Variants in ARFGEF1 observed in about 807,000 individuals in gnomAD.
The protein encoded by ARFGEF1 is ARF guanine nucleotide exchange factor 1.
ARFGEF1 carries 42 observed loss-of-function variants against 231.0 expected under a neutral mutation model. The ratio of observed to expected loss-of-function variants is 0.18; its 90% CI spans 0.14 to 0.24. The LOEUF (loss-of-function observed/expected upper bound fraction) is 0.24, where lower values mean the gene tolerates loss of function less well. ARFGEF1 is among the 10% of genes least tolerant of loss of function. ARFGEF1 has a pLI of 1.00. For synonymous variants in ARFGEF1, 710 were observed against 732.3 expected, an observed-to-expected ratio of 0.97 and a Z score of 0.49; for missense variants, 1,345 against 2,192.0, an observed-to-expected ratio of 0.61 and a Z score of 7.72.
chr8:67,237,015 C>G (rs1402518760), intron 22 of ARFGEF1, among the ~76,000 whole-genome samples: 1 of 152,176 alleles, frequency 6.6e-6, no homozygotes, highest in Non-Finnish European at 1.5e-5. Flanking sequence ...TAACCTAATT[C>G]TGTAGTCCTA....
chr8:67,252,421 A>G (rs956656612), intron 18 of ARFGEF1, among the ~76,000 whole-genome samples: 3 of 151,884 alleles, frequency 2.0e-5, no homozygotes, highest in Non-Finnish European at 4.4e-5. Flanking sequence ...GCACACCACC[A>G]TCTCCTTTCC....
chr8:67,257,970 A>G (rs765592495), intron 16 of ARFGEF1, 115 bp downstream of exon 16: 60 of 1,193,652 alleles, frequency 5.0e-5, no homozygotes, highest in Middle Eastern at 4.2e-4. Flanking sequence ...GATTGTAGAC[A>G]ATCTAAATTC....
intron 3 of ARFGEF1, 145 bp from the exon 4 acceptor site, chr8:67,299,500 CTA>C: frequency 3.0e-6 from 2 of 669,822 alleles, no homozygotes; most frequent in Non-Finnish European, 4.6e-6. Context: ...AAAGCCAAAG[CTA>C]TACCAACTTT....
intron 7 of ARFGEF1, among the ~76,000 whole-genome samples, chr8:67,283,209 A>T (rs1805610926): frequency 6.6e-6 from 1 of 152,178 alleles, no homozygotes; most frequent in African/African-American, 2.4e-5. Flanking sequence ...AAATTTTTTA[A>T]TATTCATACA....
chr8:67,336,488 C>G (rs1449764083), intron 1 of ARFGEF1, among the ~76,000 whole-genome samples: 2 of 152,160 alleles, frequency 1.3e-5, no homozygotes, highest in Non-Finnish European at 2.9e-5. Flanking sequence ...TCTGGTGGCC[C>G]AAAATCTAAA....
chr8:67,332,532 T>C (rs1377063941), intron 1 of ARFGEF1, among the ~76,000 whole-genome samples: 2 of 152,206 alleles, frequency 1.3e-5, no homozygotes, highest in Non-Finnish European at 2.9e-5. Flanking sequence ...ATTAAAATTA[T>C]ATTGTACACG....
intron 5 of ARFGEF1, 31 bp downstream of exon 5, chr8:67,296,400 T>C: frequency 1.2e-6 from 2 of 1,606,070 alleles, no homozygotes; most frequent in Non-Finnish European, 1.7e-6. Flanking sequence ...TGTTGTGTTC[T>C]ATACAACCTC....
intron 5 of ARFGEF1, among the ~76,000 whole-genome samples, chr8:67,182,498 A>G (rs185461338): frequency 6.6e-6 from 1 of 152,322 alleles, no homozygotes; most frequent in Non-Finnish European, 1.5e-5. Context: ...TTGGGTATAC[A>G]CTAAGAGATA....
In ARFGEF1 at chr8:67,211,558, C is replaced by G; in HGVS notation, c.4744G>C (p.Asp1582His). 1 of 1,581,430 alleles carries G rather than the reference C, an allele frequency of 6.3e-7. No individual in the cohort carries two copies. The highest frequency in any genetic ancestry group is 8.6e-7 in the Non-Finnish European group (1 of 1,162,224). The change falls in exon 34 of 39, where the codon GAT (aspartate) becomes CAT (histidine). Residue 1582 changes from aspartate (D) to histidine (H), a missense_variant. Asp to His is a moderately conservative substitution (Grantham distance 81). This residue lies in a region of ARFGEF1 where 89 missense variants were observed against 74.8 expected (regional missense o/e 1.19). Coordinates refer to ENST00000262215, the MANE Select transcript of ARFGEF1 (RefSeq NM_006421.5). Reference sequence around the variant, plus strand: ...ACCAGTGGTGCTTGTGGTCTGTTATCCACAGACCTTGGTTGAATAGAATCA... The same window carrying G: ...ACCAGTGGTGCTTGTGGTCTGTTATGCACAGACCTTGGTTGAATAGAATCA... ...IHDSIQPRSV[D>H]NRPQAPLVSA...
Position 67,343,636 on chromosome 8 carries a change from GGA to G in ARFGEF1, c.-351_-350del, listed in dbSNP as rs1808765298. 9.8e-7 allele frequency: 1 copy of G among 1,022,608 alleles called. No homozygotes were observed. Among genetic ancestry groups the G allele is most frequent in the South Asian group, 4.1e-5 (1 of 24,380 alleles). The allele number at this position is 1,022,608 out of a possible 1,614,324, so 63.3% of individuals were successfully genotyped here. A position where few individuals can be genotyped will look rare whatever the true frequency, so the allele number is the denominator to read the frequency against. Reference sequence around the variant, plus strand: ...GCCCGGCCCGGGCGGCTGTCTGCCGGGAACTGAGGGACGAGGTGGCGGCGGCT... The same window carrying G: ...GCCCGGCCCGGGCGGCTGTCTGCCGGACTGAGGGACGAGGTGGCGGCGGCT... On this transcript the variant is annotated 5_prime_UTR_variant, in exon 1 of 39. Coordinates refer to ENST00000262215, the MANE Select transcript of ARFGEF1 (RefSeq NM_006421.5).
At chr8:67,231,146 T>C (rs1278107010) in intron 23 of ARFGEF1, among the ~76,000 whole-genome samples, 1 of 152,040 alleles carries the variant, frequency 6.6e-6, no homozygotes, top group Admixed American at 6.6e-5. Context: ...TGACTACCAC[T>C]GAGTTGGGTA....
intron 5 of ARFGEF1, among the ~76,000 whole-genome samples, chr8:67,192,232 G>A (rs1192074056): frequency 6.6e-6 from 1 of 151,924 alleles, no homozygotes; most frequent in Non-Finnish European, 1.5e-5. Flanking sequence ...ATGCCAACAC[G>A]CCTGGCTAAG....
Position 67,227,568 on chromosome 8 carries a change from T to C in ARFGEF1, c.3622A>G (p.Ile1208Val), listed in dbSNP as rs1381218522. ...TGCCTCAAGGAGTCTACTGCAAAAA[T>C]AGCTACATCTTCATTAGGATTACAC... ...VGCNPNEDVA[I>V]FAVDSLRQLS... Residue 1208 changes from isoleucine (I) to valine (V), a missense_variant, in exon 26 of 39, where the codon ATT (isoleucine) becomes GTT (valine). By Grantham distance (29) the Ile-to-Val change is conservative (BLOSUM62 3). This residue lies in a region of ARFGEF1 where 146 missense variants were observed against 321.4 expected (regional missense o/e 0.45). Transcript: ENST00000262215. 1 of 1,612,948 alleles carries C rather than the reference T, an allele frequency of 6.2e-7. No individual in the cohort carries two copies. Among genetic ancestry groups the C allele is most frequent in the Non-Finnish European group, 8.5e-7 (1 of 1,179,194 alleles).
intron 5 of ARFGEF1, among the ~76,000 whole-genome samples, chr8:67,184,073 G>A (rs1367669390): frequency 2.0e-5 from 3 of 151,964 alleles, no homozygotes; most frequent in Non-Finnish European, 4.4e-5. Context: ...GGCTGGTCTC[G>A]AACTCCTGAC....
chr8:67,261,024 T>C (rs987337456), intron 14 of ARFGEF1, among the ~76,000 whole-genome samples: 5 of 152,194 alleles, frequency 3.3e-5, no homozygotes, highest in African/African-American at 1.2e-4. Flanking sequence ...AGAAAGGTAA[T>C]GAAGCTGCAG....
rs1587257211 is a variant in ARFGEF1 at position 67,299,509 on chromosome 8, C to G, written c.313-154G>C. 2.0e-5 allele frequency among the ~76,000 whole-genome samples: 3 copies of G among 152,316 alleles called. No individual in the cohort carries two copies. The East Asian group carries it at 5.8e-4, about 29-fold the overall frequency. ...ATTATCAAAGCCAAAGCTATACCAA[C>G]TTTTTCTGTAGAAACTTTATTCAAA... On this transcript the variant is annotated intron_variant, in intron 3 of 38. Coordinates refer to ENST00000262215, the MANE Select transcript of ARFGEF1 (RefSeq NM_006421.5).
intron 1 of ARFGEF1, among the ~76,000 whole-genome samples, chr8:67,339,797 G>GGGGGGAGGA (rs1192840019): frequency 1.3e-5 from 1 of 78,346 alleles, no homozygotes; most frequent in African/African-American, 4.5e-5. Context: ...GTGTGGGGCG[G>GGGGGGAGGA]GGGGGGGGAT....
At chr8:67,205,072 G>C (rs1200843811) in intron 34 of ARFGEF1, among the ~76,000 whole-genome samples, 1 of 152,188 alleles carries the variant, frequency 6.6e-6, no homozygotes, top group Non-Finnish European at 1.5e-5. Flanking sequence ...CCCACAGCCT[G>C]TATGTGGCCC....
intron 7 of ARFGEF1, among the ~76,000 whole-genome samples, chr8:67,284,338 T>TA (rs1805661568): frequency 6.6e-6 from 1 of 152,086 alleles, no homozygotes; most frequent in South Asian, 2.1e-4. Context: ...CCCCCAGAGA[T>TA]AAACTAAAAG....
Sources: allele counts gnomAD v4.1 joint callset (sites outside exome capture counted in the v4.1 genomes callset), GRCh38; gene constraint gnomAD v4.1.1; regional missense constraint gnomAD v4.1.1; transcripts MANE v1.5; gene names NCBI Gene and HGNC (gene_info 2026-07-23, HGNC 2026-07-21).